The following SLC25A48 variants were observed in gnomAD, a reference collection of about 807,000 sequenced individuals.
SLC25A48 encodes CTC-321K16.1.
A neutral mutation model predicts 32.2 loss-of-function variants in SLC25A48; 29 were observed. The ratio of observed to expected loss-of-function variants is 0.90; its 90% CI spans 0.67 to 1.23. The LOEUF (loss-of-function observed/expected upper bound fraction) is 1.23, where lower values mean the gene tolerates loss of function less well. Among genes scored for constraint, SLC25A48 ranks in the 50% most tolerant of loss-of-function variants. The pLI is 0.00. For synonymous variants in SLC25A48, 164 were observed against 172.3 expected (o/e 0.95, Z 0.38); for missense variants, 399 against 422.7 (o/e 0.94, Z 0.49).
intron 3 of SLC25A48, among the ~76,000 whole-genome samples, chr5:135,761,921 C>A (rs908778930): frequency 6.6e-6 from 1 of 152,164 alleles, no homozygotes; most frequent in Non-Finnish European, 1.5e-5. Flanking sequence ...TGGAACCTGC[C>A]CAGATTGTTT....
chr5:135,677,534 A>G lies in SLC25A48; in HGVS notation c.-521+42578A>G, dbSNP rs114440524. Among the ~76,000 whole-genome samples the G allele has an allele frequency of 8.9e-3, 1,349 of 151,902 alleles. 21 individuals carry two copies. The highest frequency in any genetic ancestry group is 0.031 in the African/African-American group (1,265 of 41,448). Reference sequence around the variant, plus strand: ...TTCCTTTCTTTTTCTCTTATTGATTATCTTTGTGGTTTGCTGATTTTCTGT... The same window carrying G: ...TTCCTTTCTTTTTCTCTTATTGATTGTCTTTGTGGTTTGCTGATTTTCTGT... On this transcript the variant is annotated intron_variant, in intron 3 of 10. Transcript: ENST00000646290.
At chr5:135,850,867 C>T (rs575811884) in intron 3 of SLC25A48, among the ~76,000 whole-genome samples, 215 of 152,200 alleles carry the variant, frequency 1.4e-3, no homozygotes, top group African/African-American at 4.8e-3. Context: ...CTGGCCCGGC[C>T]GGAGCCAGAT....
At chr5:135,773,610 G>A (rs1756473876) in intron 3 of SLC25A48, among the ~76,000 whole-genome samples, 1 of 151,412 alleles carries the variant, frequency 6.6e-6, no homozygotes, top group Non-Finnish European at 1.5e-5. Flanking sequence ...TAGATATAAT[G>A]CGAGAAGATT....
intron 1 of SLC25A48, among the ~76,000 whole-genome samples, chr5:135,594,341 T>A (rs959668326): frequency 3.9e-5 from 6 of 152,308 alleles, no homozygotes; most frequent in South Asian, 2.1e-4. Flanking sequence ...ACCTGACACA[T>A]CCCTGACCCC....
intron 4 of SLC25A48, among the ~76,000 whole-genome samples, chr5:135,868,473 T>C (rs1052992622): frequency 6.6e-6 from 1 of 152,176 alleles, no homozygotes; most frequent in Admixed American, 6.5e-5. Context: ...AGATGGTAGA[T>C]TAAAGTATTG....
At chr5:135,887,365 C>A (rs139519971) in intron 7 of SLC25A48, among the ~76,000 whole-genome samples, 4,939 of 152,148 alleles carry the variant, frequency 0.032, 113 homozygotes, top group Middle Eastern at 0.071. Context: ...TTGAAAAGAG[C>A]AGATAACATC....
chr5:135,608,596 C>T (rs1751994836), intron 1 of SLC25A48, among the ~76,000 whole-genome samples: 1 of 152,170 alleles, frequency 6.6e-6, no homozygotes, highest in East Asian at 1.9e-4. Context: ...CATGGCTCTG[C>T]AGTTACAGGG....
At position 135,852,307 on chromosome 5, in the gene SLC25A48, A is replaced by T. The variant is rs114495218; in HGVS notation, c.163-256A>T. The stretch of plus-strand genomic sequence containing the variant: ...GATCACTGCCCCTCCCGGCGCATGC[A>T]TGGCATGTGTGGGTTCCAGGCCAGG... On this transcript the variant is annotated intron_variant, in intron 3 of 7. Coordinates refer to ENST00000681962, the MANE Select transcript of SLC25A48 (RefSeq NM_001349336.2). Among the ~76,000 whole-genome samples, 901 of 152,222 alleles carry T rather than the reference A, an allele frequency of 5.9e-3. 12 individuals are homozygous for T. The highest frequency in any genetic ancestry group is 0.02 in the African/African-American group (851 of 41,552).
chr5:135,734,132 G>A lies in SLC25A48; in HGVS notation c.-520-78391G>A, dbSNP rs192957156. Among the ~76,000 whole-genome samples the A allele has an allele frequency of 5.9e-3, 902 of 152,244 alleles. 14 individuals carry two copies. The highest frequency in any genetic ancestry group is 0.021 in the African/African-American group (857 of 41,532). The stretch of plus-strand genomic sequence containing the variant: ...GGGATACTGGCATTGAGCGGGGTAA[G>A]GGTGATTAGGTTTTAATGGGATAGT... On this transcript the variant is annotated intron_variant, in intron 3 of 10. Transcript: ENST00000646290.
At chr5:135,662,128 G>A (rs1035928075) in intron 3 of SLC25A48, among the ~76,000 whole-genome samples, 3 of 152,132 alleles carry the variant, frequency 2.0e-5, no homozygotes, top group African/African-American at 7.2e-5. Flanking sequence ...ATTTTTGTCA[G>A]ACTGCTAGGG....
intron 1 of SLC25A48, among the ~76,000 whole-genome samples, chr5:135,592,098 T>A (rs146991337): frequency 4.9e-4 from 75 of 152,318 alleles, no homozygotes; most frequent in African/African-American, 1.7e-3. Context: ...GAGGACTGAC[T>A]GGCCCAAGGT....
rs1419063192 is a variant in SLC25A48, at chr5:135,772,780, T to C, written c.-520-39743T>C. 2.6e-5 allele frequency among the ~76,000 whole-genome samples: 4 copies of C among 151,626 alleles called. No homozygotes were observed. In the East Asian group the frequency reaches 7.8e-4, roughly 29 times the overall value. Reference sequence around the variant, plus strand: ...TCGTAATATCCAAGAGAGGAGAAGATAATATTACTCCCAATGTCTCAGGGG... The same window carrying C: ...TCGTAATATCCAAGAGAGGAGAAGACAATATTACTCCCAATGTCTCAGGGG... On this transcript the variant is annotated intron_variant, in intron 3 of 10. Transcript: ENST00000646290.
intron 3 of SLC25A48, among the ~76,000 whole-genome samples, chr5:135,740,765 G>C (rs4317317): frequency 0.77 from 116,829 of 152,152 alleles, 45,350 homozygotes; most frequent in Middle Eastern, 0.87. Flanking sequence ...GGTGGACTCT[G>C]TCAGAAAAGC....
chr5:135,777,444 T>G (rs6871355), intron 3 of SLC25A48, among the ~76,000 whole-genome samples: 132,273 of 151,498 alleles, frequency 0.87, 58,117 homozygotes, highest in African/African-American at 0.95. Context: ...TCCCAATATC[T>G]CAGTAAGTGT....
intron 3 of SLC25A48, among the ~76,000 whole-genome samples, chr5:135,656,562 C>A (rs1275537483): frequency 6.6e-6 from 1 of 152,120 alleles, no homozygotes; most frequent in East Asian, 1.9e-4. Context: ...GGTATTGTAT[C>A]CCCTCCAAAA....
At chr5:135,836,188 T>C (rs963226004) in intron 1 of SLC25A48, among the ~76,000 whole-genome samples, 3 of 152,126 alleles carry the variant, frequency 2.0e-5, no homozygotes, top group African/African-American at 7.2e-5. Context: ...GTCAGAGTAG[T>C]TCCAAGACTC....
intron 3 of SLC25A48, among the ~76,000 whole-genome samples, chr5:135,667,191 A>G (rs1753544326): frequency 6.6e-6 from 1 of 152,012 alleles, no homozygotes. Context: ...GCCTGTACCT[A>G]TGCATCTTCC....
intron 3 of SLC25A48, among the ~76,000 whole-genome samples, chr5:135,693,419 A>G (rs763750820): frequency 1.7e-4 from 26 of 152,160 alleles, no homozygotes; most frequent in Non-Finnish European, 3.4e-4. Context: ...GAATATGGGG[A>G]CTGGTTCTGC....
chr5:135,852,664 C>T lies in SLC25A48; in HGVS notation c.264C>T (p.Ser88=), dbSNP rs897104801. ...GVFSNTQRFL[S]QHRCGEPEAS... ...TCAGTAACACGCAGCGGTTCCTCAGCCAGCACCGCTGCGGGGAGCCAGAGG... is the reference window on the plus strand; with the variant it reads ...TCAGTAACACGCAGCGGTTCCTCAGTCAGCACCGCTGCGGGGAGCCAGAGG... Residue 88 remains serine, a synonymous_variant, in exon 4 of 8, where the codon AGC becomes AGT. Coordinates refer to ENST00000681962, the MANE Select transcript of SLC25A48 (RefSeq NM_001349336.2). 1 of 1,613,936 alleles carries T rather than the reference C, an allele frequency of 6.2e-7. No individual in the cohort carries two copies. Among genetic ancestry groups the T allele is most frequent in the Non-Finnish European group, 8.5e-7 (1 of 1,179,858 alleles).
Sources: allele counts gnomAD v4.1 joint callset (sites outside exome capture counted in the v4.1 genomes callset), GRCh38; gene constraint gnomAD v4.1.1; transcripts MANE v1.5; gene names NCBI Gene and HGNC (gene_info 2026-07-23, HGNC 2026-07-21).